The following ABI3BP variants were observed in gnomAD, a reference collection of about 807,000 sequenced individuals.
The protein encoded by ABI3BP is ABI family member 3 binding protein, also known as target of Nesh-SH3.
A neutral mutation model predicts 268.6 loss-of-function variants in ABI3BP; 216 were observed. That is an observed-to-expected ratio of 0.80 (90% CI 0.72 to 0.90). The LOEUF is 0.90. Among genes scored for constraint, ABI3BP ranks in the 40% least tolerant of loss-of-function variants. The pLI, the probability that ABI3BP is intolerant of heterozygous loss-of-function variation, is 0.00. For synonymous variants in ABI3BP, 730 were observed against 730.0 expected (o/e 1.00, Z 0.00); for missense variants, 2,090 against 2,182.4 (o/e 0.96, Z 0.84).
intron 1 of ABI3BP, among the ~76,000 whole-genome samples, chr3:100,990,006 C>A (rs2092664448): frequency 6.6e-6 from 1 of 152,146 alleles, no homozygotes; most frequent in Non-Finnish European, 1.5e-5. Context: ...GATCTTAGAG[C>A]AAAGGTGCAG....
intron 1 of ABI3BP, among the ~76,000 whole-genome samples, chr3:100,965,559 T>A (rs2080972184): frequency 6.6e-6 from 1 of 151,236 alleles, no homozygotes; most frequent in African/African-American, 2.4e-5. Flanking sequence ...GGGGTTTTAG[T>A]AAGGAAAGGA....
chr3:100,886,121 CAA>C lies in ABI3BP; in HGVS notation c.643+19_643+20del, dbSNP rs1469815517. 1.3e-6 allele frequency: 2 copies of C among 1,524,848 alleles called. No individual in the cohort carries two copies. Among genetic ancestry groups the C allele is most frequent in the Non-Finnish European group, 1.8e-6 (2 of 1,140,852 alleles). 94.5% of individuals were successfully genotyped at this position (1,524,848 alleles called of 1,614,324 possible). The stretch of plus-strand genomic sequence containing the variant: ...AAAAAATTATAAAAGCTTACTGAAA[CAA>C]ACATTTCTAGGTACTTACTTCCAAC... On this transcript the variant is annotated intron_variant, in intron 5 of 67. Transcript: ENST00000471714.
At chr3:100,830,673 GA>G in intron 31 of ABI3BP, 39 bp from the exon 32 acceptor site, 11 of 1,482,442 alleles carry the variant, frequency 7.4e-6, no homozygotes, top group African/African-American at 1.4e-5. Context: ...GAGATTTTGT[GA>G]ATGCATGAAA....
intron 20 of ABI3BP, among the ~76,000 whole-genome samples, chr3:100,845,981 A>G (rs891295957): frequency 2.6e-5 from 4 of 152,112 alleles, no homozygotes; most frequent in Non-Finnish European, 4.4e-5. Context: ...TTCTAGCCTG[A>G]GAACTGAGAA....
chr3:100,831,673 T>C (rs1204975567), intron 31 of ABI3BP, among the ~76,000 whole-genome samples: 2 of 152,114 alleles, frequency 1.3e-5, no homozygotes, highest in Non-Finnish European at 2.9e-5. Flanking sequence ...GTGAGCCAAC[T>C]TCAACACATT....
At chr3:100,875,295 G>A (rs2099149841) in intron 8 of ABI3BP, among the ~76,000 whole-genome samples, 1 of 152,164 alleles carries the variant, frequency 6.6e-6, no homozygotes, top group South Asian at 2.1e-4. Flanking sequence ...CACTGCACAT[G>A]TGCTAGAGCT....
intron 2 of ABI3BP, among the ~76,000 whole-genome samples, chr3:100,909,492 G>A (rs1354671246): frequency 6.6e-6 from 1 of 152,144 alleles, no homozygotes; most frequent in Non-Finnish European, 1.5e-5. Flanking sequence ...TACAGAATGG[G>A]AGAAAGTTTT....
intron 15 of ABI3BP, among the ~76,000 whole-genome samples, chr3:100,851,463 C>T (rs765858840): frequency 2.0e-5 from 3 of 152,126 alleles, no homozygotes; most frequent in Non-Finnish European, 4.4e-5. Flanking sequence ...GAGTGCTTCC[C>T]CAAGTTGTGA....
intron 15 of ABI3BP, 36 bp from the exon 16 acceptor site, chr3:100,850,770 A>G: frequency 1.4e-6 from 2 of 1,470,980 alleles, no homozygotes; most frequent in Non-Finnish European, 1.9e-6. Context: ...TAAAAGCAGT[A>G]GAAGGCCCCA....
At chr3:100,787,556 GAC>G (rs2097089238) in intron 57 of ABI3BP, among the ~76,000 whole-genome samples, 170 bp downstream of exon 57, 1 of 152,086 alleles carries the variant, frequency 6.6e-6, no homozygotes, top group South Asian at 2.1e-4. Context: ...TATTTTTAGA[GAC>G]ATTTGAAGTT....
intron 1 of ABI3BP, among the ~76,000 whole-genome samples, chr3:100,936,431 A>C (rs1232363774): frequency 2.6e-5 from 4 of 152,092 alleles, no homozygotes; most frequent in Non-Finnish European, 5.9e-5. Flanking sequence ...ATTGGCCTGA[A>C]ATTTTCTTTT....
intron 1 of ABI3BP, among the ~76,000 whole-genome samples, chr3:100,931,238 C>G (rs2063529805): frequency 6.6e-5 from 10 of 152,118 alleles, no homozygotes; most frequent in Admixed American, 6.6e-4. Flanking sequence ...CAGCCAACAT[C>G]ATGCTGAACA....
chr3:100,981,783 G>C (rs375095982), intron 1 of ABI3BP, among the ~76,000 whole-genome samples: 1 of 152,062 alleles, frequency 6.6e-6, no homozygotes, highest in Non-Finnish European at 1.5e-5. Flanking sequence ...CCTCTCTGCC[G>C]ATCCTGTTTC....
Position 100,938,270 on chromosome 3 carries a change from AC to A in ABI3BP, c.80-11790del, listed in dbSNP as rs1375177188. On this transcript the variant is annotated intron_variant, in intron 1 of 67. Coordinates refer to ENST00000471714, the MANE Select transcript of ABI3BP (RefSeq NM_001375547.2). Reference sequence around the variant, plus strand: ...TGACATGAGTTTCCCTATATAACAAACCTGCACATGTACCCCTGAACCTAAA... The same window carrying A: ...TGACATGAGTTTCCCTATATAACAAACTGCACATGTACCCCTGAACCTAAA... Among the ~76,000 whole-genome samples, 138 of 150,968 alleles carry A rather than the reference AC, an allele frequency of 9.1e-4. 1 individual carries two copies. Among genetic ancestry groups the A allele is most frequent in the Non-Finnish European group, 1.7e-3 (116 of 67,784 alleles).
intron 27 of ABI3BP, 134 bp from the exon 28 acceptor site, chr3:100,835,794 C>T: frequency 1.3e-6 from 1 of 742,328 alleles, no homozygotes; most frequent in Non-Finnish European, 2.1e-6. Flanking sequence ...TATTTGTTTT[C>T]CCCTAAGTAG....
intron 49 of ABI3BP, among the ~76,000 whole-genome samples, chr3:100,809,879 GATTTTTTTT>G (rs1410889746): frequency 6.6e-6 from 1 of 151,928 alleles, no homozygotes; most frequent in African/African-American, 2.4e-5. Flanking sequence ...TAATTGTTTT[GATTTTTTTT>G]ATTTGTATGC....
At position 100,885,454 on chromosome 3, in the gene ABI3BP, C is replaced by T. The variant is rs182839938; in HGVS notation, c.696+82G>A. On this transcript the variant is annotated intron_variant, in intron 6 of 67. Coordinates refer to ENST00000471714, the MANE Select transcript of ABI3BP (RefSeq NM_001375547.2). ...CATAGCTAGTCAGTTAATCTAATTT[C>T]AGTATCTTATAATAAGACTATTTCC... is the stretch of plus-strand genomic sequence containing the variant. 838 of 744,088 alleles carry T rather than the reference C, an allele frequency of 1.1e-3. 1 individual carries two copies. The highest frequency in any genetic ancestry group is 1.5e-3 in the Non-Finnish European group (735 of 495,718). The allele number at this position is 744,088 out of a possible 1,614,324, so 46.1% of individuals were successfully genotyped here. A position where few individuals can be genotyped will look rare whatever the true frequency, so the allele number is the denominator to read the frequency against.
rs7635530 is a variant in ABI3BP, at chr3:100,896,638, C to T, written c.461+2124G>A. On this transcript the variant is annotated intron_variant, in intron 4 of 67. Coordinates refer to ENST00000471714, the MANE Select transcript of ABI3BP (RefSeq NM_001375547.2). ...CTTCCTCTCTTCTCCCTTTCTCTCT[C>T]CATAACTTTATCAAGATAATTTTTA... Among the ~76,000 whole-genome samples, 639 of 152,222 alleles carry T rather than the reference C, an allele frequency of 4.2e-3. 4 individuals carry two copies. Among genetic ancestry groups the T allele is most frequent in the African/African-American group, 0.015 (621 of 41,532 alleles).
rs542627696 is a variant in ABI3BP, at chr3:100,868,714, G to A, written c.911-1758C>T. 3.9e-5 allele frequency among the ~76,000 whole-genome samples: 6 copies of A among 152,286 alleles called. No homozygotes were observed. In the South Asian group the frequency reaches 1.2e-3, roughly 32 times the overall value. ...AATGATAATTTGCAACAAATTGTGT[G>A]TTTCTGAAGTTGCAAAGCATGTTCA... On this transcript the variant is annotated intron_variant, in intron 9 of 67. Coordinates refer to ENST00000471714, the MANE Select transcript of ABI3BP (RefSeq NM_001375547.2).
Sources: allele counts gnomAD v4.1 joint callset (sites outside exome capture counted in the v4.1 genomes callset), GRCh38; gene constraint gnomAD v4.1.1; transcripts MANE v1.5; gene names NCBI Gene and HGNC (gene_info 2026-07-23, HGNC 2026-07-21).